Variants in EPN1 observed in about 807,000 individuals in gnomAD.
EPN1 encodes epsin-1.
Under a neutral mutation model 56.9 loss-of-function variants are expected in EPN1, and 25 were observed. That is an observed-to-expected ratio of 0.44 (90% CI 0.32 to 0.61). The LOEUF is 0.61. EPN1 is among the 20% of genes least tolerant of loss of function. The pLI is 0.05. For missense variants in EPN1, 785 were observed against 823.7 expected, an observed-to-expected ratio of 0.95 and a Z score of 0.58; for synonymous variants, 411 against 361.8, an observed-to-expected ratio of 1.14 and a Z score of -1.54.
At position 55,708,556 on chromosome 19, in the gene EPN1, G is replaced by A. The variant is rs531028782; in HGVS notation, c.*13200G>A. On this transcript the variant is annotated 3_prime_UTR_variant, in exon 11 of 11. Transcript: ENST00000270460. ...ACATTCTAGCATCACTTCTGTGTCA[G>A]AAGTATCCGGATTGTGGTGCCTACA... 6 of 167,690 alleles carry A rather than the reference G, an allele frequency of 3.6e-5. No homozygotes were observed. Among genetic ancestry groups the A allele is most frequent in the South Asian group, 2.0e-4 (1 of 4,962 alleles). 10.4% of individuals were successfully genotyped at this position (167,690 alleles called of 1,614,324 possible).
intron 9 of EPN1, chr19:55,693,242 A>G (rs969985320): frequency 3.5e-6 from 2 of 563,992 alleles, no homozygotes; most frequent in African/African-American, 1.9e-5. Context: ...TTGCAGACTT[A>G]GAGAAAAACT....
At chr19:55,692,845 G>T (rs114917342) in intron 8 of EPN1, 49 bp downstream of exon 8, 7 of 1,584,920 alleles carry the variant, frequency 4.4e-6, no homozygotes, top group African/African-American at 1.3e-5. Context: ...GTGAGTGGGA[G>T]AAGTTAGTGT....
At position 55,678,886 on chromosome 19, in the gene EPN1, T is replaced by A. The variant is rs1568564208; in HGVS notation, c.228+31T>A. ...CATCCTGCTCTCCTCCCCGGGCAGG[T>A]GCAGGGGCTCAGGTGGGAGGACAGG... On this transcript the variant is annotated intron_variant, in intron 2 of 10. Coordinates refer to ENST00000270460, the MANE Select transcript of EPN1 (RefSeq NM_001130072.2). 8 of 1,516,242 alleles carry A rather than the reference T, an allele frequency of 5.3e-6. No homozygotes were observed. The East Asian group carries it at 1.8e-4, about 34-fold the overall frequency. 93.9% of individuals were successfully genotyped at this position (1,516,242 alleles called of 1,614,324 possible).
At chr19:55,685,127 TGGAACCGTA>T (rs1457081484) in intron 2 of EPN1, among the ~76,000 whole-genome samples, 1 of 152,262 alleles carries the variant, frequency 6.6e-6, no homozygotes, top group African/African-American at 2.4e-5. Flanking sequence ...TTCACGTCGA[TGGAACCGTA>T]GGCTGTGTGG....
In EPN1 at chr19:55,692,808, G is replaced by A. The variant is rs1261275009; in HGVS notation, c.1177+12G>A. The A allele has an allele frequency of 1.3e-6, 2 of 1,595,084 alleles. No individual in the cohort carries two copies. The highest frequency in any genetic ancestry group is 1.7e-5 in the Admixed American group (1 of 57,932). On this transcript the variant is annotated intron_variant, in intron 8 of 10. Coordinates refer to ENST00000270460, the MANE Select transcript of EPN1 (RefSeq NM_001130072.2). ...CAATGGCACAACAGGTACTGGAATGGGGGTGGGAATGGAGCCCCGGGTGGG... is the reference window on the plus strand; with the variant it reads ...CAATGGCACAACAGGTACTGGAATGAGGGTGGGAATGGAGCCCCGGGTGGG...
rs1449029494 is a variant in EPN1 at position 55,709,524 on chromosome 19, CACCCATAAA to C, written c.*14169_*14177del. ...TAAGAAATAATTAAAGCACATGCTA[CACCCATAAA>C]TATGTCAAACGTTCTTGTCTGTTTT... On this transcript the variant is annotated 3_prime_UTR_variant, in exon 11 of 11. Transcript: ENST00000270460. 6.6e-6 allele frequency: 1 copy of C among 152,442 alleles called. No homozygotes were observed. The highest frequency in any genetic ancestry group is 1.5e-5 in the Non-Finnish European group (1 of 68,220). The allele number at this position is 152,442 out of a possible 1,614,324, so 9.4% of individuals were successfully genotyped here.
At chr19:55,683,673 T>C (rs1985977519) in intron 2 of EPN1, among the ~76,000 whole-genome samples, 1 of 152,194 alleles carries the variant, frequency 6.6e-6, no homozygotes, top group African/African-American at 2.4e-5. Context: ...TTTATTTCAG[T>C]GTATGTGGTA....
Position 55,689,281 on chromosome 19 carries a change from A to ACT in EPN1, c.604-8_604-7dup. ...TGGCCCCTCCCGTCATGCCCCTCACACTCTCTCTCCCCCAGCCCCCGTCCT... is the reference window on the plus strand; with the variant it reads ...TGGCCCCTCCCGTCATGCCCCTCACACTCTCTCTCTCCCCCAGCCCCCGTCCT... On this transcript the variant is annotated splice_polypyrimidine_tract_variant and intron_variant, in intron 4 of 10. Transcript: ENST00000270460. This position sits in a 1 kb window ranked among gnomAD's most constrained non-coding sequence, Gnocchi z 5.7. 1 of 1,516,612 alleles carries ACT rather than the reference A, an allele frequency of 6.6e-7. No individual in the cohort carries two copies. The highest frequency in any genetic ancestry group is 1.2e-5 in the South Asian group (1 of 82,424). The allele number at this position is 1,516,612 out of a possible 1,614,324, so 93.9% of individuals were successfully genotyped here.
rs1489925375 is a variant in EPN1 at position 55,689,030 on chromosome 19, C to T, written c.603+36C>T. The stretch of plus-strand genomic sequence containing the variant: ...TGCAGCTGGGGCTGTCTGTCCGCCA[C>T]CCGCCTCCACGCCTCACTTCAGGCT... On this transcript the variant is annotated intron_variant, in intron 4 of 10. Coordinates refer to ENST00000270460, the MANE Select transcript of EPN1 (RefSeq NM_001130072.2). The surrounding 1 kb of genome is among the most constrained non-coding windows in gnomAD (Gnocchi z 5.7). 6.4e-7 allele frequency: 1 copy of T among 1,553,906 alleles called. No individual in the cohort carries two copies. Among genetic ancestry groups the T allele is most frequent in the East Asian group, 2.3e-5 (1 of 43,556 alleles).
rs780000365 is a variant in EPN1 at position 55,694,943 on chromosome 19, G to C, written c.1482G>C (p.Thr494=). 1 of 1,558,664 alleles carries C rather than the reference G, an allele frequency of 6.4e-7. No individual in the cohort carries two copies. The highest frequency in any genetic ancestry group is 8.7e-7 in the Non-Finnish European group (1 of 1,152,392). The part of the protein sequence containing the change: ...LDSLVSRPGP[T]PPGAKASNPF... ...CGCTGGTGAGCCGGCCGGGCCCCAC[G>C]CCGCCTGGAGCCAAGGCCTCCAACC... Residue 494 remains threonine (T), a synonymous_variant, in exon 10 of 11, where the codon ACG becomes ACC. Transcript: ENST00000270460. This position sits in a 1 kb window ranked among gnomAD's most constrained non-coding sequence, Gnocchi z 4.2.
intron 1 of EPN1, among the ~76,000 whole-genome samples, 175 bp downstream of exon 1, chr19:55,675,610 C>T (rs578030744): frequency 6.6e-6 from 1 of 152,176 alleles, no homozygotes; most frequent in Non-Finnish European, 1.5e-5. Context: ...GTGTCTGTCT[C>T]TCTCGTGTCT....
Position 55,689,436 on chromosome 19 carries a change from T to C in EPN1, c.678+65T>C. ...CCCCTCAGACCAGCCCCGTCGCCCC[T>C]TCCTAAGTCACCCCCCACCATCCTG... On this transcript the variant is annotated intron_variant, in intron 5 of 10. Transcript: ENST00000270460. This position sits in a 1 kb window ranked among gnomAD's most constrained non-coding sequence, Gnocchi z 5.7. 1 of 1,276,620 alleles carries C rather than the reference T, an allele frequency of 7.8e-7. No homozygotes were observed. The highest frequency in any genetic ancestry group is 1.1e-6 in the Non-Finnish European group (1 of 899,766). The allele number at this position is 1,276,620 out of a possible 1,614,324, so 79.1% of individuals were successfully genotyped here. A position where few individuals can be genotyped will look rare whatever the true frequency, so the allele number is the denominator to read the frequency against.
Position 55,708,415 on chromosome 19 carries a change from A to G in EPN1, c.*13059A>G, listed in dbSNP as rs1987532094. The stretch of plus-strand genomic sequence containing the variant: ...TTTTAGAAAAATCTATTGGGGTGTC[A>G]TATATAAAAGGATAAGTAGAGATTT... On this transcript the variant is annotated 3_prime_UTR_variant, in exon 11 of 11. Transcript: ENST00000270460. The G allele has an allele frequency of 1.8e-5, 1 of 56,856 alleles. No individual in the cohort carries two copies. The highest frequency in any genetic ancestry group is 3.4e-5 in the Non-Finnish European group (1 of 29,204). 3.5% of individuals were successfully genotyped at this position (56,856 alleles called of 1,614,324 possible).
chr19:55,691,847 G>C lies in EPN1; in HGVS notation c.856G>C (p.Val286Leu), dbSNP rs770482611. ...GGGCCCAGCACCCATGGCTGCTGCC[G>C]TCCCCACGGCTGCCCCCACCTCGGA... is the stretch of plus-strand genomic sequence containing the variant. ...WGGPAPMAAA[V>L]PTAAPTSDPW... Residue 286 changes from valine to leucine, a missense_variant, in exon 7 of 11, where the codon GTC becomes CTC. Val to Leu is a conservative substitution (Grantham distance 32, BLOSUM62 1). This residue lies in a region of EPN1 where 650 missense variants were observed against 605.0 expected (regional missense o/e 1.07). Coordinates refer to ENST00000270460, the MANE Select transcript of EPN1 (RefSeq NM_001130072.2). The surrounding 1 kb of genome is among the most constrained non-coding windows in gnomAD (Gnocchi z 5.6). 1 of 1,606,666 alleles carries C rather than the reference G, an allele frequency of 6.2e-7. No homozygotes were observed. The highest frequency in any genetic ancestry group is 2.2e-5 in the East Asian group (1 of 44,758).
At position 55,703,520 on chromosome 19, in the gene EPN1, C is replaced by T. The variant is rs2122243923; in HGVS notation, c.*8164C>T. The T allele has an allele frequency of 6.6e-6, 1 of 152,316 alleles. No individual in the cohort carries two copies. 9.4% of individuals were successfully genotyped at this position (152,316 alleles called of 1,614,324 possible). On this transcript the variant is annotated 3_prime_UTR_variant, in exon 11 of 11. Coordinates refer to ENST00000270460, the MANE Select transcript of EPN1 (RefSeq NM_001130072.2). ...TGTATTTTTAGTAGAGACGGGGTTT[C>T]ACCACGTTGGCCAGGCTGGTCTGGA... is the stretch of plus-strand genomic sequence containing the variant.
At chr19:55,686,831 G>T (rs1366170229) in intron 3 of EPN1, among the ~76,000 whole-genome samples, 1 of 151,878 alleles carries the variant, frequency 6.6e-6, no homozygotes, top group Non-Finnish European at 1.5e-5. Context: ...GGGTGGCGGG[G>T]TTGGGGTGGA....
At position 55,695,609 on chromosome 19, in the gene EPN1, G is replaced by A; in HGVS notation, c.*253G>A. The A allele has an allele frequency of 2.0e-6, 1 of 496,140 alleles. No homozygotes were observed. The highest frequency in any genetic ancestry group is 3.2e-5 in the South Asian group (1 of 30,938). 30.7% of individuals were successfully genotyped at this position (496,140 alleles called of 1,614,324 possible). A position where few individuals can be genotyped will look rare whatever the true frequency, so the allele number is the denominator to read the frequency against. On this transcript the variant is annotated 3_prime_UTR_variant, in exon 11 of 11. Coordinates refer to ENST00000270460, the MANE Select transcript of EPN1 (RefSeq NM_001130072.2). The surrounding 1 kb of genome is among the most constrained non-coding windows in gnomAD (Gnocchi z 4.4). ...GGCATTAGAAGGGGGAGGGGTGGCT[G>A]GGGCCCCCACCCATTCCCCCTCCCT...
At position 55,693,020 on chromosome 19, in the gene EPN1, C is replaced by A. The variant is rs1986678729; in HGVS notation, c.1247C>A (p.Thr416Asn). 1.9e-6 allele frequency: 3 copies of A among 1,613,150 alleles called. No individual in the cohort carries two copies. Among genetic ancestry groups the A allele is most frequent in the Admixed American group, 1.7e-5 (1 of 60,006 alleles). ...DFDRLRTALP[T>N]SGSSAGELEL... The stretch of plus-strand genomic sequence containing the variant: ...GACCGACTCCGCACGGCACTGCCGA[C>A]CTCCGGGAGCAGCGCAGGTGAGCCC... Residue 416 changes from threonine (T) to asparagine (N), a missense_variant, in exon 9 of 11, where the codon ACC becomes AAC. Transcript: ENST00000270460.
chr19:55,688,018 G>A lies in EPN1; in HGVS notation c.479-852G>A, dbSNP rs534170025. The stretch of plus-strand genomic sequence containing the variant: ...GACACAGGTGCAAGGCGGCGTCTTG[G>A]AGCTGGAGCAGACAGAACTTGCTGA... On this transcript the variant is annotated intron_variant, in intron 3 of 10. Coordinates refer to ENST00000270460, the MANE Select transcript of EPN1 (RefSeq NM_001130072.2). Among the ~76,000 whole-genome samples the A allele has an allele frequency of 2.0e-5, 3 of 152,332 alleles. No homozygotes were observed. In the South Asian group the frequency reaches 6.2e-4, roughly 32 times the overall value.
Sources: allele counts gnomAD v4.1 joint callset (sites outside exome capture counted in the v4.1 genomes callset), GRCh38; gene constraint gnomAD v4.1.1; regional missense constraint gnomAD v4.1.1; non-coding constraint Gnocchi (gnomAD v3.1); transcripts MANE v1.5; gene names NCBI Gene and HGNC (gene_info 2026-07-23, HGNC 2026-07-21).